Variants in PAMR1 observed in about 807,000 individuals in gnomAD.
PAMR1 encodes peptidase domain containing associated with muscle regeneration 1.
In PAMR1, 88 loss-of-function variants were observed where a neutral mutation model predicts 81.8. The observed-to-expected ratio is 1.08, with a 90% CI of 0.91 to 1.28. The LOEUF (loss-of-function observed/expected upper bound fraction) is 1.28. PAMR1 is among the 50% of genes most tolerant of loss of function. PAMR1 has a pLI of 0.00. For missense variants in PAMR1, 935 were observed against 919.7 expected (o/e 1.02, Z -0.21); for synonymous variants, 336 against 345.3 (o/e 0.97, Z 0.30).
At chr11:35,470,480 T>C in intron 5 of PAMR1, 121 bp downstream of exon 5, 1 of 762,470 alleles carries the variant, frequency 1.3e-6, no homozygotes, top group East Asian at 2.6e-5. Flanking sequence ...TGTAGGCTGT[T>C]TCTAAGAACA....
At chr11:35,474,592 T>C (rs374463890) in intron 4 of PAMR1, 38 bp downstream of exon 4, 7 of 1,215,296 alleles carry the variant, frequency 5.8e-6, no homozygotes, top group Non-Finnish European at 7.1e-6. Context: ...TGTATCCTTA[T>C]AACCTCAGAC....
At chr11:35,487,969 T>C (rs11033144) in intron 3 of PAMR1, among the ~76,000 whole-genome samples, 3,889 of 152,298 alleles carry the variant, frequency 0.026, 165 homozygotes, top group African/African-American at 0.089. Flanking sequence ...AAACAAGATA[T>C]GCTACCTATA....
chr11:35,494,406 T>C, intron 1 of PAMR1, 134 bp from the exon 2 acceptor site: 1 of 699,724 alleles, frequency 1.4e-6, no homozygotes. Flanking sequence ...CGATCTCGGC[T>C]CACTGTAAGC....
At chr11:35,491,383 T>C (rs1332451998) in intron 3 of PAMR1, among the ~76,000 whole-genome samples, 1 of 152,184 alleles carries the variant, frequency 6.6e-6, no homozygotes, top group Non-Finnish European at 1.5e-5. Context: ...CTGATTCAAG[T>C]TGGAAGCATA....
intron 3 of PAMR1, 65 bp downstream of exon 3, chr11:35,491,980 C>G (rs1340909428): frequency 7.2e-7 from 1 of 1,394,714 alleles, no homozygotes; most frequent in Admixed American, 2.6e-5. Flanking sequence ...AAATTTTGGT[C>G]CATTGTAAGC....
intron 6 of PAMR1, chr11:35,451,895 T>C: frequency 2.8e-6 from 2 of 704,998 alleles, no homozygotes; most frequent in Non-Finnish European, 5.3e-6. Flanking sequence ...CACCAGACAA[T>C]GAATCTTCTG....
intron 1 of PAMR1, among the ~76,000 whole-genome samples, chr11:35,514,033 G>A (rs2135420930): frequency 6.6e-6 from 1 of 152,278 alleles, no homozygotes; most frequent in Non-Finnish European, 1.5e-5. Flanking sequence ...GGCCTTGAAA[G>A]GGATTCTGAT....
chr11:35,516,915 C>T (rs781710800), intron 1 of PAMR1, among the ~76,000 whole-genome samples: 19 of 152,004 alleles, frequency 1.2e-4, no homozygotes, highest in South Asian at 2.1e-4. Context: ...AACAAATAAT[C>T]GCAAGGGATT....
chr11:35,450,943 G>C (rs565608062), intron 6 of PAMR1, among the ~76,000 whole-genome samples: 1 of 152,336 alleles, frequency 6.6e-6, no homozygotes, highest in African/African-American at 2.4e-5. Flanking sequence ...TGTAAATTAA[G>C]TGGAGCTCCC....
chr11:35,486,179 C>A (rs932869516), intron 3 of PAMR1, among the ~76,000 whole-genome samples: 7 of 152,180 alleles, frequency 4.6e-5, no homozygotes, highest in East Asian at 3.9e-4. Context: ...TGGTGACCAG[C>A]CCAGTGCTCC....
chr11:35,477,571 C>T (rs1850305311), intron 3 of PAMR1, among the ~76,000 whole-genome samples: 1 of 152,244 alleles, frequency 6.6e-6, no homozygotes, highest in Admixed American at 6.5e-5. Context: ...CTTCCTTTGT[C>T]AGAACCTCAG....
rs545894496 is a variant in PAMR1, at chr11:35,471,549, T to C, written c.495-731A>G. On this transcript the variant is annotated intron_variant, in intron 4 of 10. Coordinates refer to ENST00000619888, the MANE Select transcript of PAMR1 (RefSeq NM_001001991.3). ...AACCTCTGCACACTCTTCCGTTTGA[T>C]GGAAGAATCAGAAGGTAATTATCTT... Among the ~76,000 whole-genome samples, 9 of 152,282 alleles carry C rather than the reference T, an allele frequency of 5.9e-5. No individual in the cohort carries two copies. The South Asian group carries it at 6.2e-4, about 11-fold the overall frequency.
intron 4 of PAMR1, among the ~76,000 whole-genome samples, chr11:35,473,528 G>A (rs1375209100): frequency 6.6e-6 from 1 of 152,152 alleles, no homozygotes; most frequent in Non-Finnish European, 1.5e-5. Flanking sequence ...TTCATCGCTT[G>A]TTCCTTGAGC....
chr11:35,482,960 T>A (rs184816279), intron 3 of PAMR1, among the ~76,000 whole-genome samples: 15 of 152,366 alleles, frequency 9.8e-5, no homozygotes, highest in Non-Finnish European at 2.9e-5. Context: ...TTTAAAGTTA[T>A]GTAAAAGTTT....
At chr11:35,484,526 G>T (rs1195423738) in intron 3 of PAMR1, among the ~76,000 whole-genome samples, 1 of 152,196 alleles carries the variant, frequency 6.6e-6, no homozygotes, top group Non-Finnish European at 1.5e-5. Context: ...CCTTAAGTTT[G>T]CTCTTAATCA....
upstream of PAMR1, among the ~76,000 whole-genome samples, chr11:35,526,608 ACAATAACT>A (rs769147732): frequency 2.8e-4 from 43 of 152,384 alleles, 1 homozygote; most frequent in Middle Eastern, 6.8e-3. Flanking sequence ...ATTGAGGATT[ACAATAACT>A]CATCCAAGGC....
rs148674024 is a variant in PAMR1, at chr11:35,444,763, T to C, written c.821-3070A>G. Reference sequence around the variant, plus strand: ...TACTGTAGCCTTGTATAGTTTGAAGTTGGTTAGTGTGATGCCTTCAGCTTC... The same window carrying C: ...TACTGTAGCCTTGTATAGTTTGAAGCTGGTTAGTGTGATGCCTTCAGCTTC... On this transcript the variant is annotated intron_variant, in intron 6 of 10. Transcript: ENST00000619888. Among the ~76,000 whole-genome samples the C allele has an allele frequency of 3.6e-3, 550 of 152,336 alleles. 5 individuals carry two copies. Among genetic ancestry groups the C allele is most frequent in the African/African-American group, 0.012 (504 of 41,568 alleles).
At chr11:35,519,334 C>T (rs969773998) in intron 1 of PAMR1, among the ~76,000 whole-genome samples, 1 of 152,082 alleles carries the variant, frequency 6.6e-6, no homozygotes, top group Non-Finnish European at 1.5e-5. Context: ...AAAATGCTCC[C>T]GCTTATTCAC....
chr11:35,494,092 T>C lies in PAMR1; in HGVS notation c.250+4A>G, dbSNP rs951870357. On this transcript the variant is annotated splice_donor_region_variant and intron_variant, in intron 2 of 10. Coordinates refer to ENST00000619888, the MANE Select transcript of PAMR1 (RefSeq NM_001001991.3). ...CAACCTGAAGTCTCCCATTCCACAC[T>C]CACCTGGGTGGATCAGGCAGGAGTC... 1.9e-6 allele frequency: 3 copies of C among 1,612,662 alleles called. No homozygotes were observed. The African/African-American group carries it at 4.0e-5, about 22-fold the overall frequency.
Sources: allele counts gnomAD v4.1 joint callset (sites outside exome capture counted in the v4.1 genomes callset), GRCh38; gene constraint gnomAD v4.1.1; transcripts MANE v1.5; gene names NCBI Gene and HGNC (gene_info 2026-07-23, HGNC 2026-07-21).